The following GRIK4 variants were observed in gnomAD, a reference collection of about 807,000 sequenced individuals.
The protein encoded by GRIK4 is glutamate ionotropic receptor kainate type subunit 4, also known as glutamate receptor ionotropic, kainate 4.
Under a neutral mutation model 104.9 loss-of-function variants are expected in GRIK4, and 40 were observed. The observed-to-expected ratio is 0.38, with a 90% CI of 0.30 to 0.50. GRIK4 has a LOEUF of 0.50. GRIK4 is among the 20% of genes least tolerant of loss of function. The pLI is 0.93. For missense variants in GRIK4, 1,047 were observed against 1,308.1 expected, an observed-to-expected ratio of 0.80 and a Z score of 3.08; for synonymous variants, 485 against 524.9, an observed-to-expected ratio of 0.92 and a Z score of 1.04.
chr11:120,618,057 T>G (rs1277598459), intron 1 of GRIK4, among the ~76,000 whole-genome samples: 1 of 152,082 alleles, frequency 6.6e-6, no homozygotes, highest in Non-Finnish European at 1.5e-5. Flanking sequence ...CCTAGAGACT[T>G]TTTGAATGGT....
intron 3 of GRIK4, among the ~76,000 whole-genome samples, chr11:120,719,486 G>C (rs1293589127): frequency 6.6e-6 from 1 of 152,084 alleles, no homozygotes; most frequent in Non-Finnish European, 1.5e-5. Context: ...GATTCTGAGT[G>C]CTCCTCTTCT....
intron 3 of GRIK4, among the ~76,000 whole-genome samples, chr11:120,696,170 G>A (rs1950445757): frequency 6.6e-6 from 1 of 152,192 alleles, no homozygotes. Context: ...AAAGGAGAAA[G>A]CAGCCCTGTA....
intron 1 of GRIK4, among the ~76,000 whole-genome samples, chr11:120,520,764 G>A (rs12804597): frequency 0.075 from 11,391 of 152,254 alleles, 446 homozygotes; most frequent in African/African-American, 0.09. Context: ...AGAATAGGGA[G>A]TCTCTTTGGA....
chr11:120,763,095 G>A (rs1843934427), intron 3 of GRIK4, among the ~76,000 whole-genome samples: 1 of 152,082 alleles, frequency 6.6e-6, no homozygotes, highest in Non-Finnish European at 1.5e-5. Context: ...TGGTTGGTAG[G>A]CTATTAATTA....
At chr11:120,641,001 C>T (rs139965244) in intron 1 of GRIK4, among the ~76,000 whole-genome samples, 104 of 152,348 alleles carry the variant, frequency 6.8e-4, no homozygotes, top group Middle Eastern at 3.4e-3. Flanking sequence ...CGTGAGCCAC[C>T]GCGCCCGGCC....
In GRIK4 at chr11:120,765,246, T is replaced by A. The variant is rs561344403; in HGVS notation, c.83-37447T>A. On this transcript the variant is annotated intron_variant, in intron 3 of 20. Transcript: ENST00000527524. ...GATATCCTTTCTTCTGCTTGATCGG[T>A]TTGGCTATTGATCCTTGTGTATGCT... Among the ~76,000 whole-genome samples the A allele has an allele frequency of 1.3e-4, 19 of 151,940 alleles. No homozygotes were observed. In the South Asian group the frequency reaches 2.7e-3, roughly 22 times the overall value.
intron 18 of GRIK4, among the ~76,000 whole-genome samples, chr11:120,965,894 C>T (rs548145875): frequency 1.3e-5 from 2 of 152,280 alleles, no homozygotes; most frequent in East Asian, 3.9e-4. Flanking sequence ...CTGCCTGATC[C>T]TTCATGGTAG....
chr11:120,904,206 A>G (rs1289694811), intron 12 of GRIK4, among the ~76,000 whole-genome samples: 1 of 151,998 alleles, frequency 6.6e-6, no homozygotes, highest in Non-Finnish European at 1.5e-5. Flanking sequence ...CCCTTGCTCC[A>G]CATTTTAAAC....
rs1328269277 is a variant in GRIK4, at chr11:120,564,237, C to G, written c.-159+52350C>G. On this transcript the variant is annotated intron_variant, in intron 1 of 20. Transcript: ENST00000527524. ...ACGGCACCAGGCAGCTGAATCCAGC[C>G]CCTTGTTACGGGGGAAAATGCTCTC... is the stretch of plus-strand genomic sequence containing the variant. 2.0e-5 allele frequency among the ~76,000 whole-genome samples: 3 copies of G among 152,246 alleles called. No individual in the cohort carries two copies. The East Asian group carries it at 5.8e-4, about 29-fold the overall frequency.
chr11:120,660,186 G>A (rs1477553064), intron 2 of GRIK4, 83 bp from the exon 3 acceptor site: 13 of 664,354 alleles, frequency 2.0e-5, no homozygotes, highest in African/African-American at 1.1e-4. Context: ...GGGCCTCTCC[G>A]GCTCCTGGGT....
At chr11:120,621,711 G>A (rs779221165) in intron 1 of GRIK4, among the ~76,000 whole-genome samples, 3 of 152,072 alleles carry the variant, frequency 2.0e-5, no homozygotes, top group East Asian at 1.9e-4. Flanking sequence ...AGTTCTTTGG[G>A]CCTTATTTTC....
At chr11:120,849,279 G>T (rs997804416) in intron 8 of GRIK4, among the ~76,000 whole-genome samples, 2 of 152,118 alleles carry the variant, frequency 1.3e-5, no homozygotes, top group Non-Finnish European at 2.9e-5. Context: ...AGACTACTGT[G>T]GTTCAATATC....
intron 3 of GRIK4, among the ~76,000 whole-genome samples, chr11:120,732,156 G>C (rs1951142573): frequency 6.6e-6 from 1 of 151,740 alleles, no homozygotes; most frequent in African/African-American, 2.4e-5. Context: ...TTTTCTGACA[G>C]AGTCTCACTC....
intron 1 of GRIK4, among the ~76,000 whole-genome samples, chr11:120,627,664 G>T (rs1949279156): frequency 6.6e-6 from 1 of 152,164 alleles, no homozygotes; most frequent in Non-Finnish European, 1.5e-5. Flanking sequence ...CCTCCCTGAA[G>T]GGCCTAAGGG....
chr11:120,956,839 T>C lies in GRIK4; in HGVS notation c.1760T>C (p.Leu587Pro), dbSNP rs775542523. The change falls in exon 16 of 21, where the codon CTG becomes CCG. Residue 587 changes from leucine to proline, a missense_variant. By Grantham distance (98) the Leu-to-Pro change is moderately conservative (BLOSUM62 -3). Around this residue, in one of 3 missense-constraint regions of GRIK4, gnomAD observed 440 missense variants for 652.3 expected, o/e 0.67. Coordinates refer to ENST00000527524, the MANE Select transcript of GRIK4 (RefSeq NM_014619.5). The surrounding 1 kb of genome is among the most constrained non-coding windows in gnomAD (Gnocchi z 4.6). ...TGTGCCCAGGGCCGGTGCAACCTCC[T>C]GGTGAACCAGTACTCCCTGGGCAAC... ...HPCAQGRCNL[L>P]VNQYSLGNSL... The C allele has an allele frequency of 2.5e-6, 4 of 1,613,978 alleles. No homozygotes were observed. The South Asian group carries it at 4.4e-5, about 18-fold the overall frequency.
chr11:120,832,359 G>A (rs1953453017), intron 7 of GRIK4, among the ~76,000 whole-genome samples: 1 of 152,178 alleles, frequency 6.6e-6, no homozygotes. Context: ...TAAGGGGCTT[G>A]GGCAGAGGCT....
intron 3 of GRIK4, among the ~76,000 whole-genome samples, chr11:120,718,799 C>T (rs941248499): frequency 5.3e-5 from 8 of 152,330 alleles, no homozygotes; most frequent in Admixed American, 5.2e-4. Context: ...CTTGACTTAG[C>T]CTGGGTTCAT....
At chr11:120,591,897 C>A (rs1241893072) in intron 1 of GRIK4, among the ~76,000 whole-genome samples, 3 of 152,182 alleles carry the variant, frequency 2.0e-5, no homozygotes, top group African/African-American at 7.2e-5. Flanking sequence ...GACTGTTATT[C>A]CCACCAGCTG....
At position 120,729,044 on chromosome 11, in the gene GRIK4, C is replaced by T. The variant is rs375284114; in HGVS notation, c.82+68644C>T. The stretch of plus-strand genomic sequence containing the variant: ...GTCTTTCTGTGCCTGGTTTATTACA[C>T]TTAATATAATGGTCTCCAGTTCCAT... On this transcript the variant is annotated intron_variant, in intron 3 of 20. Coordinates refer to ENST00000527524, the MANE Select transcript of GRIK4 (RefSeq NM_014619.5). 3.9e-5 allele frequency among the ~76,000 whole-genome samples: 6 copies of T among 152,308 alleles called. No individual in the cohort carries two copies. The East Asian group carries it at 7.7e-4, about 20-fold the overall frequency.
Sources: gnomAD v4.1 joint callset for allele counts (sites outside exome capture counted in the v4.1 genomes callset) on GRCh38, gnomAD v4.1.1 for gene constraint, gnomAD v4.1.1 regional missense constraint, Gnocchi (gnomAD v3.1) non-coding constraint, MANE v1.5 for transcripts, NCBI Gene and HGNC (gene_info 2026-07-23, HGNC 2026-07-21) for gene names.